Variants in ACYP2 observed in about 807,000 individuals in gnomAD.
ACYP2 encodes acylphosphatase 2.
In ACYP2, 12 loss-of-function variants were observed where a neutral mutation model predicts 11.2. That is an observed-to-expected ratio of 1.08 (90% CI 0.69 to 1.74). The LOEUF (loss-of-function observed/expected upper bound fraction) is 1.74, where lower values mean the gene tolerates loss of function less well. Ranked by LOEUF, ACYP2 falls within the 40% of genes most tolerant of loss-of-function variation. The pLI is 0.00. For missense variants in ACYP2, 134 were observed against 101.9 expected (o/e 1.31, Z -1.35); for synonymous variants, 43 against 32.2 (o/e 1.33, Z -1.13).
chr2:54,264,278 G>A (rs1687917199), intron 6 of ACYP2, among the ~76,000 whole-genome samples: 1 of 152,206 alleles, frequency 6.6e-6, no homozygotes, highest in Non-Finnish European at 1.5e-5. Context: ...GATGTGTTGT[G>A]AAGAGTGAAA....
chr2:53,995,003 C>G (rs1672500620), intron 2 of ACYP2, among the ~76,000 whole-genome samples: 1 of 152,134 alleles, frequency 6.6e-6, no homozygotes. Flanking sequence ...ACCGCTATGA[C>G]AAGAGTGTCT....
intron 2 of ACYP2, among the ~76,000 whole-genome samples, chr2:54,002,279 TC>T (rs1354321200): frequency 9.9e-5 from 15 of 152,190 alleles, no homozygotes; most frequent in Non-Finnish European, 2.2e-4. Flanking sequence ...TTTCCAATTG[TC>T]ATCTTTCACT....
intron 4 of ACYP2, among the ~76,000 whole-genome samples, chr2:54,074,576 A>ATT (rs1677225986): frequency 8.0e-6 from 1 of 125,348 alleles, no homozygotes; most frequent in African/African-American, 3.3e-5. Context: ...ATAGAACAGA[A>ATT]TTTGTGTGTG....
chr2:54,201,396 C>G (rs572277720), intron 6 of ACYP2, among the ~76,000 whole-genome samples: 6 of 152,190 alleles, frequency 3.9e-5, no homozygotes, highest in African/African-American at 1.4e-4. Context: ...TGAGCCACCA[C>G]GCCTGGCTGG....
chr2:54,204,663 C>A (rs1246308538), intron 6 of ACYP2, among the ~76,000 whole-genome samples: 1 of 152,136 alleles, frequency 6.6e-6, no homozygotes, highest in East Asian at 1.9e-4. Context: ...TCTTTTATTT[C>A]CCTTATAACT....
chr2:54,082,701 T>C (rs1389470877), intron 4 of ACYP2: 1 of 152,232 alleles, frequency 6.6e-6, no homozygotes, highest in African/African-American at 2.4e-5. Flanking sequence ...CATTTTCTAG[T>C]ACTGACAAAC....
intron 6 of ACYP2, chr2:54,255,621 G>C (rs1433947010): frequency 6.2e-7 from 1 of 1,613,562 alleles, no homozygotes. Context: ...CTATTGCTCT[G>C]TTTTCTTCCG....
chr2:54,125,099 C>T (rs116088473), intron 4 of ACYP2, among the ~76,000 whole-genome samples: 33 of 151,406 alleles, frequency 2.2e-4, no homozygotes, highest in Non-Finnish European at 4.0e-4. Flanking sequence ...ACCAAATTAA[C>T]ATATGCACAT....
intron 6 of ACYP2, among the ~76,000 whole-genome samples, chr2:54,270,531 T>G (rs1271149364): frequency 6.6e-6 from 1 of 152,098 alleles, no homozygotes. Flanking sequence ...TCATTTGAGC[T>G]CAGTAGACGA....
intron 6 of ACYP2, among the ~76,000 whole-genome samples, chr2:54,201,606 T>TTCTTTCTTTCTTTCTTTC (rs1558608485): frequency 1.2e-5 from 1 of 86,118 alleles, no homozygotes; most frequent in African/African-American, 4.5e-5. Context: ...CTTTCTTTCT[T>TTCTTTCTTTCTTTCTTTC]TCTTTCTTTC....
intron 6 of ACYP2, among the ~76,000 whole-genome samples, chr2:54,277,018 T>TA (rs772019970): frequency 2.6e-5 from 4 of 152,204 alleles, no homozygotes; most frequent in East Asian, 1.9e-4. Context: ...AAATAACATA[T>TA]AAAAAATCCT....
Position 54,139,011 on chromosome 2 carries a change from T to C in ACYP2, c.404+263T>C, listed in dbSNP as rs146716344. On this transcript the variant is annotated intron_variant, in intron 6 of 6. Transcript: ENST00000607452. ...GTAAGAATAGTATTGATGGACCAGA[T>C]TTTGTTTGTAGATTACAATCAAACT... Among the ~76,000 whole-genome samples, 62 of 152,346 alleles carry C rather than the reference T, an allele frequency of 4.1e-4. No homozygotes were observed. In the East Asian group the frequency reaches 0.011, roughly 26 times the overall value.
chr2:54,073,343 G>T (rs1375488979), intron 4 of ACYP2, among the ~76,000 whole-genome samples: 1 of 151,462 alleles, frequency 6.6e-6, no homozygotes, highest in Non-Finnish European at 1.5e-5. Flanking sequence ...CCTGGGCAAT[G>T]TAGGGAGACC....
Position 53,996,875 on chromosome 2 carries a change from T to C in ACYP2, c.62+23065T>C, listed in dbSNP as rs374408778. On this transcript the variant is annotated intron_variant, in intron 2 of 6. Transcript: ENST00000607452. The stretch of plus-strand genomic sequence containing the variant: ...TTAAATACTTTTAGCAGATTAATCT[T>C]TCTAAAAGATCATTTTTACCTTGTC... Among the ~76,000 whole-genome samples the C allele has an allele frequency of 1.5e-4, 23 of 152,286 alleles. 3 individuals carry two copies. The highest frequency in any genetic ancestry group is 1.3e-3 in the Admixed American group (20 of 15,286).
At chr2:54,173,641 T>A (rs1389364968) in intron 6 of ACYP2, among the ~76,000 whole-genome samples, 1 of 152,204 alleles carries the variant, frequency 6.6e-6, no homozygotes, top group Non-Finnish European at 1.5e-5. Context: ...TGGTATTGTC[T>A]AGGTTTTTTT....
chr2:54,167,383 T>C (rs1683030299), intron 6 of ACYP2, among the ~76,000 whole-genome samples: 1 of 152,210 alleles, frequency 6.6e-6, no homozygotes, highest in Non-Finnish European at 1.5e-5. Context: ...TATAATCATA[T>C]CTGAAAAGAT....
chr2:54,100,954 G>A (rs1181453909), intron 4 of ACYP2, among the ~76,000 whole-genome samples: 1 of 152,202 alleles, frequency 6.6e-6, no homozygotes, highest in Admixed American at 6.5e-5. Context: ...AGCAATTCAA[G>A]GTACTTGGGC....
chr2:54,182,202 G>T (rs1683771004), intron 6 of ACYP2, among the ~76,000 whole-genome samples: 1 of 151,800 alleles, frequency 6.6e-6, no homozygotes, highest in African/African-American at 2.4e-5. Flanking sequence ...TGGGATTACA[G>T]GCGCCCGCCA....
intron 2 of ACYP2, among the ~76,000 whole-genome samples, chr2:53,984,912 A>G (rs1365517128): frequency 6.6e-6 from 1 of 152,054 alleles, no homozygotes; most frequent in Non-Finnish European, 1.5e-5. Context: ...TAAAATGTTT[A>G]TCAAGCTCTG....
Sources: allele counts gnomAD v4.1 joint callset (sites outside exome capture counted in the v4.1 genomes callset), GRCh38; gene constraint gnomAD v4.1.1; transcripts MANE v1.5; gene names NCBI Gene and HGNC (gene_info 2026-07-23, HGNC 2026-07-21).